Variants in CADM2 observed in about 807,000 individuals in gnomAD.
CADM2 encodes the protein immunoglobulin superfamily member 4D.
A neutral mutation model predicts 49.8 loss-of-function variants in CADM2; 12 were observed. The observed-to-expected ratio is 0.24, with a 90% CI of 0.15 to 0.39. The LOEUF (loss-of-function observed/expected upper bound fraction) is 0.39, where lower values mean the gene tolerates loss of function less well. CADM2 is among the 10% of genes least tolerant of loss of function. The pLI, the probability that CADM2 is intolerant of heterozygous loss-of-function variation, is 1.00. For synonymous variants in CADM2, 214 were observed against 175.4 expected, an observed-to-expected ratio of 1.22 and a Z score of -1.74; for missense variants, 378 against 492.3, an observed-to-expected ratio of 0.77 and a Z score of 2.20.
chr3:85,363,769 G>T (rs990735524), intron 1 of CADM2, among the ~76,000 whole-genome samples: 2 of 152,038 alleles, frequency 1.3e-5, no homozygotes, highest in Non-Finnish European at 2.9e-5. Flanking sequence ...CCGCCACCGC[G>T]CCCGGCTAAT....
chr3:85,167,284 G>T lies in CADM2; in HGVS notation c.61+207616G>T, dbSNP rs9875722. Among the ~76,000 whole-genome samples, 612 of 152,036 alleles carry T rather than the reference G, an allele frequency of 4.0e-3. 4 individuals are homozygous for T. The highest frequency in any genetic ancestry group is 0.013 in the African/African-American group (550 of 41,506). On this transcript the variant is annotated intron_variant, in intron 1 of 9. Coordinates refer to ENST00000383699, the MANE Select transcript of CADM2 (RefSeq NM_001167675.2). Reference sequence around the variant, plus strand: ...ATAGAAATTTGAGTTAATATGCTCAGCTCTTAATTCCATTTAGCAGTTAAG... The same window carrying T: ...ATAGAAATTTGAGTTAATATGCTCATCTCTTAATTCCATTTAGCAGTTAAG...
chr3:85,243,443 T>G (rs181125867), intron 1 of CADM2, among the ~76,000 whole-genome samples: 66 of 152,192 alleles, frequency 4.3e-4, no homozygotes, highest in African/African-American at 1.6e-3. Flanking sequence ...GATTATAGGG[T>G]CATTTCCAAA....
chr3:85,822,332 C>CCAG (rs2073631410), intron 3 of CADM2, among the ~76,000 whole-genome samples: 2 of 152,030 alleles, frequency 1.3e-5, no homozygotes, highest in African/African-American at 2.4e-5. Context: ...GCCTGTAAAC[C>CCAG]CAGCACTTTG....
intron 1 of CADM2, among the ~76,000 whole-genome samples, chr3:85,233,783 T>C (rs185565128): frequency 6.6e-6 from 1 of 152,278 alleles, no homozygotes; most frequent in Admixed American, 6.5e-5. Flanking sequence ...ATGTTAATCC[T>C]GACTTGTTTC....
intron 1 of CADM2, among the ~76,000 whole-genome samples, chr3:85,465,704 C>T (rs2038462249): frequency 6.6e-6 from 1 of 152,054 alleles, no homozygotes; most frequent in Non-Finnish European, 1.5e-5. Flanking sequence ...TACTCTTTCC[C>T]TGCAGTGAGA....
chr3:85,585,992 C>T (rs1426830760), intron 1 of CADM2, among the ~76,000 whole-genome samples: 1 of 151,920 alleles, frequency 6.6e-6, no homozygotes, highest in Non-Finnish European at 1.5e-5. Flanking sequence ...TGACTCCTAT[C>T]TAAAATAAAA....
chr3:85,087,097 G>A lies in CADM2; in HGVS notation c.61+127429G>A, dbSNP rs548601046. Among the ~76,000 whole-genome samples, 7 of 152,224 alleles carry A rather than the reference G, an allele frequency of 4.6e-5. No individual in the cohort carries two copies. In the East Asian group the frequency reaches 1.4e-3, roughly 30 times the overall value. On this transcript the variant is annotated intron_variant, in intron 1 of 9. Transcript: ENST00000383699. ...CTAGAGCAGTTTCTTGAGGGAAGCAGCAGAAAGGTCAAAAACTTCTGATGA... is the reference window on the plus strand; with the variant it reads ...CTAGAGCAGTTTCTTGAGGGAAGCAACAGAAAGGTCAAAAACTTCTGATGA...
Position 86,071,808 on chromosome 3 carries a change from C to T in CADM2, c.*5025C>T, listed in dbSNP as rs1703294369. 6.6e-6 allele frequency: 1 copy of T among 151,782 alleles called. No homozygotes were observed. Among genetic ancestry groups the T allele is most frequent in the African/African-American group, 2.4e-5 (1 of 41,366 alleles). 9.4% of individuals were successfully genotyped at this position (151,782 alleles called of 1,614,324 possible). A position where few individuals can be genotyped will look rare whatever the true frequency, so the allele number is the denominator to read the frequency against. On this transcript the variant is annotated 3_prime_UTR_variant, in exon 10 of 10. Coordinates refer to ENST00000383699, the MANE Select transcript of CADM2 (RefSeq NM_001167675.2). Reference sequence around the variant, plus strand: ...CTTTATAAGAATAGTCCTTCTCCTGCCTATTTAATATTTCAATGTTAATAT... The same window carrying T: ...CTTTATAAGAATAGTCCTTCTCCTGTCTATTTAATATTTCAATGTTAATAT...
intron 8 of CADM2, chr3:85,992,879 CATTG>C (rs1370828871): frequency 6.6e-6 from 1 of 152,160 alleles, no homozygotes; most frequent in Non-Finnish European, 1.5e-5. Flanking sequence ...AGGTTTGACA[CATTG>C]ATTGATTATT....
intron 3 of CADM2, among the ~76,000 whole-genome samples, chr3:85,870,503 A>G (rs2075887089): frequency 6.6e-6 from 1 of 151,960 alleles, no homozygotes; most frequent in African/African-American, 2.4e-5. Context: ...AAAATGCTGT[A>G]TTTTGTTTTC....
At chr3:85,339,701 G>A (rs2045189722) in intron 1 of CADM2, among the ~76,000 whole-genome samples, 1 of 151,284 alleles carries the variant, frequency 6.6e-6, no homozygotes, top group Non-Finnish European at 1.5e-5. Flanking sequence ...CTGCTACTAG[G>A]AAATTAACTG....
At chr3:85,680,448 G>A (rs778926733) in intron 1 of CADM2, among the ~76,000 whole-genome samples, 13 of 151,966 alleles carry the variant, frequency 8.6e-5, no homozygotes, top group Admixed American at 2.6e-4. Context: ...CATATAATCC[G>A]TCTCCAGTTA....
intron 1 of CADM2, among the ~76,000 whole-genome samples, chr3:85,627,074 A>G (rs1489678870): frequency 6.6e-6 from 1 of 152,102 alleles, no homozygotes; most frequent in East Asian, 1.9e-4. Context: ...TCTTTAGAAT[A>G]GTAACAATGA....
intron 1 of CADM2, among the ~76,000 whole-genome samples, chr3:85,410,874 GGATGGACAGCCTCAAACAAGA>G: frequency 6.6e-6 from 1 of 152,156 alleles, no homozygotes; most frequent in Non-Finnish European, 1.5e-5. Flanking sequence ...CAACCACAAT[GGATGGACAGCCTCAAACAAGA>G]GATCCAGTGA....
rs1202144498 is a variant in CADM2 at position 86,059,109 on chromosome 3, A to G, written c.971-6496A>G. 2.0e-5 allele frequency among the ~76,000 whole-genome samples: 3 copies of G among 151,972 alleles called. No homozygotes were observed. The East Asian group carries it at 5.8e-4, about 29-fold the overall frequency. On this transcript the variant is annotated intron_variant, in intron 8 of 9. Coordinates refer to ENST00000383699, the MANE Select transcript of CADM2 (RefSeq NM_001167675.2). ...ACTCCATCTTACAAAAAAAAAAAAA[A>G]AAAATTCCAACACTAGAATGAAAAG...
At chr3:85,773,698 G>A (rs1228299350) in intron 2 of CADM2, among the ~76,000 whole-genome samples, 1 of 151,966 alleles carries the variant, frequency 6.6e-6, no homozygotes, top group East Asian at 1.9e-4. Context: ...ACTAGAGATT[G>A]ATGCTTATTG....
intron 3 of CADM2, among the ~76,000 whole-genome samples, chr3:85,811,068 A>C (rs2072843353): frequency 6.6e-6 from 1 of 152,226 alleles, no homozygotes; most frequent in Non-Finnish European, 1.5e-5. Context: ...TCAAGACTGA[A>C]ATGTTGACAT....
At chr3:85,864,391 A>T (rs573206905) in intron 3 of CADM2, among the ~76,000 whole-genome samples, 11 of 152,172 alleles carry the variant, frequency 7.2e-5, no homozygotes, top group Non-Finnish European at 1.5e-4. Flanking sequence ...CTTTATGAGG[A>T]ATTTGCCTGT....
chr3:85,211,672 A>G (rs749363462), intron 1 of CADM2, among the ~76,000 whole-genome samples: 2 of 152,128 alleles, frequency 1.3e-5, no homozygotes, highest in Non-Finnish European at 2.9e-5. Context: ...ATTTTTTAAT[A>G]TTTAAAACTC....
Sources: gnomAD v4.1 joint callset for allele counts (sites outside exome capture counted in the v4.1 genomes callset) on GRCh38, gnomAD v4.1.1 for gene constraint, MANE v1.5 for transcripts, NCBI Gene and HGNC (gene_info 2026-07-23, HGNC 2026-07-21) for gene names.